Variants in TNRC6B observed in about 807,000 individuals in gnomAD.
The protein encoded by TNRC6B is trinucleotide repeat containing adaptor 6B.
TNRC6B carries 52 observed loss-of-function variants against 203.6 expected under a neutral mutation model. That is an observed-to-expected ratio of 0.26 (90% CI 0.20 to 0.32). TNRC6B has a LOEUF of 0.32. TNRC6B is among the 10% of genes least tolerant of loss of function. The pLI, the probability that TNRC6B is intolerant of heterozygous loss-of-function variation, is 1.00. For missense variants in TNRC6B, 1,923 were observed against 2,286.2 expected (o/e 0.84, Z 3.24); for synonymous variants, 838 against 845.7 (o/e 0.99, Z 0.16).
intron 1 of TNRC6B, among the ~76,000 whole-genome samples, chr22:40,188,772 A>G (rs1017805455): frequency 4.6e-5 from 7 of 152,208 alleles, no homozygotes; most frequent in African/African-American, 1.2e-4. Flanking sequence ...AAAAAATTCA[A>G]TTTGTATTGA....
At chr22:40,299,158 C>CAAAAAAAAAAAAAAA (rs796432826) in intron 12 of TNRC6B, among the ~76,000 whole-genome samples, 2 of 103,046 alleles carry the variant, frequency 1.9e-5, no homozygotes, top group African/African-American at 3.9e-5. Flanking sequence ...AAAAAAAAAA[C>CAAAAAAAAAAAAAAA]AAAAAAAAAA....
At chr22:40,244,431 A>G (rs2070075549) in intron 1 of TNRC6B, among the ~76,000 whole-genome samples, 1 of 152,180 alleles carries the variant, frequency 6.6e-6, no homozygotes, top group African/African-American at 2.4e-5. Flanking sequence ...AGACAAAGTC[A>G]GTGACAACAT....
intron 1 of TNRC6B, 60 bp from the exon 2 acceptor site, chr22:40,245,955 C>A: frequency 1.5e-6 from 2 of 1,347,346 alleles, no homozygotes; most frequent in Admixed American, 2.5e-5. Context: ...ATTCAATTTG[C>A]TGCGGAAATG....
At chr22:40,264,186 G>GGT in intron 4 of TNRC6B, among the ~76,000 whole-genome samples, 1 of 152,300 alleles carries the variant, frequency 6.6e-6, no homozygotes, top group Non-Finnish European at 1.5e-5. Context: ...CTACATAGGA[G>GGT]GTAGTAGAAG....
intron 16 of TNRC6B, among the ~76,000 whole-genome samples, chr22:40,309,743 G>A (rs1356315273): frequency 6.6e-6 from 1 of 152,102 alleles, no homozygotes; most frequent in Non-Finnish European, 1.5e-5. Flanking sequence ...CCTTTTTAGA[G>A]CTTATAGATC....
chr22:40,134,034 TTG>T (rs1464174278), intron 3 of TNRC6B, among the ~76,000 whole-genome samples: 2 of 150,676 alleles, frequency 1.3e-5, no homozygotes, highest in Non-Finnish European at 3.0e-5. Flanking sequence ...AAAAATTTGA[TTG>T]TGTTTCAGAT....
At chr22:40,195,010 T>C (rs990355187) in intron 1 of TNRC6B, among the ~76,000 whole-genome samples, 11 of 152,318 alleles carry the variant, frequency 7.2e-5, no homozygotes, top group Middle Eastern at 3.4e-3. Context: ...TAAATTTTGC[T>C]TGGAGGCCTT....
chr22:40,274,962 C>G (rs888014869), intron 7 of TNRC6B, among the ~76,000 whole-genome samples: 17 of 152,314 alleles, frequency 1.1e-4, no homozygotes, highest in African/African-American at 4.1e-4. Flanking sequence ...ACATGAGAGT[C>G]TTGGCACCCT....
At chr22:40,050,812 GTTT>G (rs779353880) in intron 1 of TNRC6B, among the ~76,000 whole-genome samples, 3 of 149,794 alleles carry the variant, frequency 2.0e-5, no homozygotes, top group Admixed American at 6.6e-5. Flanking sequence ...CTGTCCTGTA[GTTT>G]TTTTGTTTTT....
chr22:40,067,793 T>C (rs996410854), intron 1 of TNRC6B, among the ~76,000 whole-genome samples: 2 of 152,134 alleles, frequency 1.3e-5, no homozygotes, highest in African/African-American at 4.8e-5. Context: ...GGATAGTGCC[T>C]GCCCACATTG....
chr22:40,289,698 T>C (rs957381525), intron 12 of TNRC6B, among the ~76,000 whole-genome samples: 2 of 152,176 alleles, frequency 1.3e-5, no homozygotes, highest in Non-Finnish European at 2.9e-5. Context: ...CTCCTCACCA[T>C]CTGTAGTCAG....
At chr22:40,215,813 A>C (rs1355445616) in intron 1 of TNRC6B, among the ~76,000 whole-genome samples, 1 of 152,206 alleles carries the variant, frequency 6.6e-6, no homozygotes, top group Non-Finnish European at 1.5e-5. Flanking sequence ...TCTGTCTCCT[A>C]TGTGGACCTC....
At chr22:40,276,840 A>C in intron 7 of TNRC6B, 1 of 348,494 alleles carries the variant, frequency 2.9e-6, no homozygotes, top group Non-Finnish European at 5.1e-6. Flanking sequence ...CCAGCTGAGC[A>C]TGTATTTTTC....
chr22:40,083,793 T>G (rs1341255792), intron 1 of TNRC6B, among the ~76,000 whole-genome samples: 1 of 152,146 alleles, frequency 6.6e-6, no homozygotes, highest in East Asian at 1.9e-4. Flanking sequence ...TCAGGTAGGT[T>G]TATACAACTG....
intron 1 of TNRC6B, among the ~76,000 whole-genome samples, chr22:40,191,225 C>T (rs1222232059): frequency 9.2e-5 from 14 of 152,120 alleles, no homozygotes; most frequent in Admixed American, 9.2e-4. Context: ...GCAGCTGTGC[C>T]ATCTTGTGTG....
chr22:40,321,502 C>CT, intron 22 of TNRC6B: 1 of 362,248 alleles, frequency 2.8e-6, no homozygotes, highest in South Asian at 4.0e-5. Context: ...TAACATAAAG[C>CT]TAGGGCCGGG....
intron 1 of TNRC6B, among the ~76,000 whole-genome samples, chr22:40,047,992 CTAGT>C (rs1185888111): frequency 1.3e-5 from 2 of 152,162 alleles, no homozygotes; most frequent in African/African-American, 4.8e-5. Flanking sequence ...AAGAAAATGA[CTAGT>C]TCATGTGCAA....
intron 6 of TNRC6B, among the ~76,000 whole-genome samples, chr22:40,272,683 G>A (rs1055730512): frequency 1.3e-5 from 2 of 152,106 alleles, no homozygotes. Flanking sequence ...GTTTAGAATG[G>A]GATACTGATG....
intron 1 of TNRC6B, among the ~76,000 whole-genome samples, chr22:40,184,601 T>C (rs1435214559): frequency 6.6e-6 from 1 of 152,160 alleles, no homozygotes; most frequent in East Asian, 1.9e-4. Flanking sequence ...TTCTGGTGTG[T>C]TGTGGAAACT....
Sources: allele counts gnomAD v4.1 joint callset (sites outside exome capture counted in the v4.1 genomes callset), GRCh38; gene constraint gnomAD v4.1.1; transcripts MANE v1.5; gene names NCBI Gene and HGNC (gene_info 2026-07-23, HGNC 2026-07-21).